MYO19: variants seen among roughly 807,000 people sequenced by gnomAD.
MYO19 encodes the protein unconventional myosin-XIX.
A neutral mutation model predicts 129.2 loss-of-function variants in MYO19; 132 were observed. The ratio of observed to expected loss-of-function variants is 1.02; its 90% confidence interval spans 0.89 to 1.18. The LOEUF (loss-of-function observed/expected upper bound fraction) is 1.18, where lower values mean the gene tolerates loss of function less well. MYO19 is among the 50% of genes most tolerant of loss of function. MYO19 has a pLI of 0.00. For synonymous variants in MYO19, 531 were observed against 477.2 expected, an observed-to-expected ratio of 1.11 and a Z score of -1.47; for missense variants, 1,210 against 1,216.7, an observed-to-expected ratio of 0.99 and a Z score of 0.08.
Position 36,511,423 on chromosome 17 carries a change from G to A in MYO19, c.927C>T (p.Ile309=), listed in dbSNP as rs2072316415. 6.4e-7 allele frequency: 1 copy of A among 1,570,262 alleles called. No homozygotes were observed. Among genetic ancestry groups the A allele is most frequent in the Non-Finnish European group, 8.6e-7 (1 of 1,157,984 alleles). ...VLAGLLHLGN[I]QFAASEDEAQ... ...CTTCATCCTCGGAGGCAGCAAACTG[G>A]ATATTGCCAAGGTGCAGCAGTCCAG... Residue 309 remains isoleucine, a synonymous_variant, in exon 12 of 26, where the codon ATC becomes ATT. Coordinates refer to ENST00000614623, the MANE Select transcript of MYO19 (RefSeq NM_001163735.2).
At chr17:36,508,173 A>G in intron 14 of MYO19, 1 of 350,626 alleles carries the variant, frequency 2.9e-6, no homozygotes, top group Non-Finnish European at 5.1e-6. Flanking sequence ...TGAAGTGTGA[A>G]GACAGCCCAG....
rs762587811 is a variant in MYO19, at chr17:36,528,191, G to A, written c.24C>T (p.His8=). The change falls in exon 4 of 26, where the codon CAC becomes CAT. Residue 8 remains histidine (H), a synonymous_variant. Transcript: ENST00000614623. ...TGGCTTGGCCATCAGACCCCGGATT[G>A]TGGCCATTGACCTGGAAGAGATAAC... MLQQVNG[H]NPGSDGQARE... The A allele has an allele frequency of 1.9e-6, 3 of 1,583,364 alleles. No homozygotes were observed. Among genetic ancestry groups the A allele is most frequent in the African/African-American group, 2.7e-5 (2 of 74,224 alleles).
upstream of MYO19, chr17:36,538,068 G>T (rs748371561): frequency 1.9e-6 from 3 of 1,614,130 alleles, no homozygotes; most frequent in Non-Finnish European, 2.5e-6. Flanking sequence ...TGTGCAAACA[G>T]GGTTATATAT....
chr17:36,514,255 A>G (rs2072577367), intron 9 of MYO19, among the ~76,000 whole-genome samples, 191 bp downstream of exon 9: 1 of 152,220 alleles, frequency 6.6e-6, no homozygotes, highest in African/African-American at 2.4e-5. Flanking sequence ...CCCAGGCCAC[A>G]ACTGTGCTGG....
At chr17:36,536,335 A>G (rs2074121197), upstream of MYO19, among the ~76,000 whole-genome samples, 1 of 152,106 alleles carries the variant, frequency 6.6e-6, no homozygotes, top group South Asian at 2.1e-4. Context: ...AAGGCCCCCA[A>G]CTTCAAAATG....
In MYO19 at chr17:36,512,532, C is replaced by A; in HGVS notation, c.894+897G>T. 3.8e-6 allele frequency: 4 copies of A among 1,054,012 alleles called. No homozygotes were observed. In the South Asian group the frequency reaches 6.6e-5, roughly 17 times the overall value. The allele number at this position is 1,054,012 out of a possible 1,614,324, so 65.3% of individuals were successfully genotyped here. Reference sequence around the variant, plus strand: ...CAACTTGCTCCAGAAGACTGCCATGCCCACCAGGCAGAAGGGCTGTGGCAG... The same window carrying A: ...CAACTTGCTCCAGAAGACTGCCATGACCACCAGGCAGAAGGGCTGTGGCAG... On this transcript the variant is annotated intron_variant, in intron 11 of 25. Transcript: ENST00000614623.
At chr17:36,543,534 CAA>C (rs1235881883), upstream of MYO19, 1 of 152,248 alleles carries the variant, frequency 6.6e-6, no homozygotes, top group Non-Finnish European at 1.5e-5. Flanking sequence ...CCGACCCTAA[CAA>C]TGACCACACA....
At chr17:36,506,411 C>G in intron 18 of MYO19, 45 bp downstream of exon 18, 1 of 1,604,262 alleles carries the variant, frequency 6.2e-7, no homozygotes, top group African/African-American at 1.4e-5. Context: ...TTTGTGAGAC[C>G]GTGGAGTTTG....
chr17:36,537,152 C>T (rs1347711978), upstream of MYO19: 2 of 1,612,554 alleles, frequency 1.2e-6, no homozygotes, highest in Non-Finnish European at 1.7e-6. Flanking sequence ...TCAATGGAAC[C>T]ACCGTGCTGG....
upstream of MYO19, chr17:36,535,440 C>G (rs1402006007): frequency 1.3e-5 from 2 of 152,278 alleles, no homozygotes; most frequent in African/African-American, 2.4e-5. Context: ...CGCGCGGAAT[C>G]GGCCGGCCCG....
chr17:36,513,846 C>A (rs1289991430), intron 9 of MYO19, 121 bp from the exon 10 acceptor site: 2 of 828,532 alleles, frequency 2.4e-6, no homozygotes, highest in East Asian at 2.7e-5. Flanking sequence ...GCTCAGAGGT[C>A]CCTTCCGAGA....
At chr17:36,536,146 T>A (rs990661606), upstream of MYO19, among the ~76,000 whole-genome samples, 5 of 152,198 alleles carry the variant, frequency 3.3e-5, no homozygotes, top group African/African-American at 9.7e-5. Flanking sequence ...AAAGAGCAAC[T>A]AACACTAGTA....
At chr17:36,515,761 C>T in intron 7 of MYO19, 97 bp downstream of exon 7, 1 of 1,396,540 alleles carries the variant, frequency 7.2e-7, no homozygotes. Flanking sequence ...CCACCCCCAC[C>T]CAAGAGAGGG....
chr17:36,515,170 G>T lies in MYO19; in HGVS notation c.560C>A (p.Thr187Lys), dbSNP rs375688848. 1.2e-6 allele frequency: 2 copies of T among 1,612,698 alleles called. No homozygotes were observed. Among genetic ancestry groups the T allele is most frequent in the Admixed American group, 1.7e-5 (1 of 59,874 alleles). ...PVMEAFGNACTLRNNNSSRFG... is the reference protein window; with the variant it reads ...PVMEAFGNACKLRNNNSSRFG... Reference sequence around the variant, plus strand: ...GCGACTGCTGTTGTTATTCCTCAGTGTACACGCATTCCCTACAGATCACAC... The same window carrying T: ...GCGACTGCTGTTGTTATTCCTCAGTTTACACGCATTCCCTACAGATCACAC... Residue 187 changes from threonine (T) to lysine (K), a missense_variant, in exon 8 of 26, where the codon ACA becomes AAA. Physicochemically the swap from Thr to Lys is moderately conservative, Grantham distance 78. Transcript: ENST00000614623.
chr17:36,497,375 G>A (rs1237628353), intron 25 of MYO19, among the ~76,000 whole-genome samples: 2 of 149,640 alleles, frequency 1.3e-5, no homozygotes, highest in Non-Finnish European at 3.0e-5. Context: ...TTGTCATTTC[G>A]TCAGCCAGAA....
chr17:36,524,852 G>C (rs954642521), intron 6 of MYO19, among the ~76,000 whole-genome samples: 7 of 152,320 alleles, frequency 4.6e-5, no homozygotes, highest in Admixed American at 4.6e-4. Context: ...AGAACTGAGA[G>C]CTTTGCAGAA....
In MYO19 at chr17:36,527,600, A is replaced by C. The variant is rs1253211045; in HGVS notation, c.251T>G (p.Leu84Arg). The C allele has an allele frequency of 6.2e-7, 1 of 1,613,996 alleles. No individual in the cohort carries two copies. Among genetic ancestry groups the C allele is most frequent in the Non-Finnish European group, 8.5e-7 (1 of 1,179,896 alleles). ...ALNPFKPVPQ[L>R]YSPELMREYH... is the part of the protein sequence containing the mutation. The stretch of plus-strand genomic sequence containing the variant: ...CTCTCTCATTAGCTCGGGCGAGTAG[A>C]GCTGAGGAACAGGCTTGAAGGGGTT... The change falls in exon 5 of 26, where the codon CTC becomes CGC. Residue 84 changes from leucine to arginine, a missense_variant. Physicochemically the swap from Leu to Arg is moderately radical, Grantham distance 102 (BLOSUM62 -2). Coordinates refer to ENST00000614623, the MANE Select transcript of MYO19 (RefSeq NM_001163735.2).
At chr17:36,533,329 G>A (rs1188914908) in intron 2 of MYO19, 1 of 152,294 alleles carries the variant, frequency 6.6e-6, no homozygotes, top group African/African-American at 2.4e-5. Context: ...CGCTAATCAG[G>A]TGAACGGTCC....
chr17:36,516,130 T>C, intron 6 of MYO19, 140 bp from the exon 7 acceptor site: 6 of 998,198 alleles, frequency 6.0e-6, no homozygotes, highest in East Asian at 5.4e-5. Context: ...AATTCAACCC[T>C]GGCCTCAGGC....
Sources: allele counts gnomAD v4.1 joint callset (sites outside exome capture counted in the v4.1 genomes callset), GRCh38; gene constraint gnomAD v4.1.1; transcripts MANE v1.5; gene names NCBI Gene and HGNC (gene_info 2026-07-23, HGNC 2026-07-21).